Variants in CASP8 observed in about 807,000 individuals in gnomAD.
CASP8 encodes the protein caspase 8.
Under a neutral mutation model 46.3 loss-of-function variants are expected in CASP8, and 24 were observed. The ratio of observed to expected loss-of-function variants is 0.52; its 90% CI spans 0.38 to 0.73. The LOEUF (loss-of-function observed/expected upper bound fraction) is 0.73. Among genes scored for constraint, CASP8 ranks in the 30% least tolerant of loss-of-function variants. The pLI is 0.00. For missense variants in CASP8, 460 were observed against 559.0 expected (o/e 0.82, Z 1.79); for synonymous variants, 188 against 200.4 (o/e 0.94, Z 0.52).
chr2:201,280,618 A>G (rs568946185), intron 7 of CASP8, among the ~76,000 whole-genome samples: 6 of 152,340 alleles, frequency 3.9e-5, no homozygotes, highest in Admixed American at 2.0e-4. Context: ...CAAAAAATGT[A>G]CTTCTCATGG....
chr2:201,280,826 A>T (rs1371407026), intron 7 of CASP8, among the ~76,000 whole-genome samples: 1 of 152,248 alleles, frequency 6.6e-6, no homozygotes, highest in Admixed American at 6.5e-5. Context: ...AAAATGAGTC[A>T]GACAAGTAGC....
chr2:201,276,805 G>T (rs1342178459), intron 6 of CASP8, 22 bp from the exon 7 acceptor site: 1 of 1,613,834 alleles, frequency 6.2e-7, no homozygotes, highest in South Asian at 1.1e-5. Context: ...GTCAGCTCCT[G>T]GGTTGGGTTT....
At chr2:201,274,992 G>T (rs553817414) in intron 6 of CASP8, 39 bp downstream of exon 6, 2 of 1,348,258 alleles carry the variant, frequency 1.5e-6, no homozygotes, top group Non-Finnish European at 2.1e-6. Flanking sequence ...TTACATTACA[G>T]ATTCTAGTTA....
intron 2 of CASP8, among the ~76,000 whole-genome samples, chr2:201,247,071 T>C (rs1169114554): frequency 6.6e-6 from 1 of 151,166 alleles, no homozygotes; most frequent in African/African-American, 2.4e-5. Flanking sequence ...GGCAGGCGCC[T>C]GTATTCTGCT....
chr2:201,285,655 G>A (rs552046768), intron 8 of CASP8, among the ~76,000 whole-genome samples: 2 of 152,324 alleles, frequency 1.3e-5, no homozygotes, highest in East Asian at 3.9e-4. Context: ...GGATAGGAAA[G>A]TCATATACTC....
Position 201,286,607 on chromosome 2 carries a change from G to A in CASP8, c.*13G>A. The A allele has an allele frequency of 6.2e-7, 1 of 1,611,312 alleles. No homozygotes were observed. The highest frequency in any genetic ancestry group is 8.5e-7 in the Non-Finnish European group (1 of 1,178,106). On this transcript the variant is annotated 3_prime_UTR_variant, in exon 9 of 9. Transcript: ENST00000673742. The stretch of plus-strand genomic sequence containing the variant: ...CCCTTCTGATTGATGGTGCTATTTT[G>A]TTTGTTTTGTTTTGTTTTGTTTTTT...
intron 2 of CASP8, among the ~76,000 whole-genome samples, chr2:201,268,954 TGTGA>T (rs201986591): frequency 0.043 from 6,332 of 146,820 alleles, 204 homozygotes; most frequent in Non-Finnish European, 0.062. Flanking sequence ...TGTGTGTGTG[TGTGA>T]GACAGTGTCT....
At position 201,284,963 on chromosome 2, in the gene CASP8, A is replaced by G; in HGVS notation, c.950A>G (p.His317Arg). ...MDCFICCILS[H>R]GDKGIIYGTD... ...TGCTTCATCTGCTGTATCCTCTCCC[A>G]TGGAGACAAGGGCATCATCTATGGC... Residue 317 changes from histidine (H) to arginine (R), a missense_variant, in exon 8 of 9, where the codon CAT becomes CGT. His to Arg is a conservative substitution (Grantham distance 29). Transcript: ENST00000673742. 6.2e-7 allele frequency: 1 copy of G among 1,614,108 alleles called. No homozygotes were observed. Among genetic ancestry groups the G allele is most frequent in the Non-Finnish European group, 8.5e-7 (1 of 1,179,998 alleles).
intron 2 of CASP8, among the ~76,000 whole-genome samples, chr2:201,252,324 G>A (rs529509916): frequency 9.2e-5 from 14 of 152,102 alleles, no homozygotes; most frequent in African/African-American, 1.4e-4. Flanking sequence ...TCACCAGGCT[G>A]TAGTACAGTG....
intron 2 of CASP8, among the ~76,000 whole-genome samples, chr2:201,245,252 GTT>G (rs948402184): frequency 6.9e-6 from 1 of 144,196 alleles, no homozygotes. Context: ...ATTTGTTTTT[GTT>G]TTTTTTTTTG....
At chr2:201,258,399 A>G (rs1947141887), upstream of CASP8, 2 of 1,613,590 alleles carry the variant, frequency 1.2e-6, no homozygotes, top group South Asian at 1.1e-5. Context: ...GCCTGTTGCC[A>G]AGGTGGCCTC....
chr2:201,245,717 C>T (rs529858252), intron 2 of CASP8, among the ~76,000 whole-genome samples: 43 of 152,364 alleles, frequency 2.8e-4, no homozygotes, highest in African/African-American at 1.0e-3. Context: ...CCTGTTGACC[C>T]TGCTGCTGCA....
intron 2 of CASP8, among the ~76,000 whole-genome samples, chr2:201,269,095 T>C (rs1381521045): frequency 2.6e-5 from 4 of 151,788 alleles, no homozygotes; most frequent in Non-Finnish European, 5.9e-5. Flanking sequence ...CCCGCCACCA[T>C]GTCTGGCTAA....
chr2:201,244,520 C>T (rs1946429001), intron 2 of CASP8, among the ~76,000 whole-genome samples: 1 of 152,140 alleles, frequency 6.6e-6, no homozygotes. Flanking sequence ...TCCGACTATC[C>T]TCCAGGGAGG....
At chr2:201,277,472 A>G (rs962484453) in intron 7 of CASP8, among the ~76,000 whole-genome samples, 2 of 152,240 alleles carry the variant, frequency 1.3e-5, no homozygotes, top group Admixed American at 1.3e-4. Flanking sequence ...AAGTTAAATG[A>G]AAAAACAATT....
intron 2 of CASP8, among the ~76,000 whole-genome samples, chr2:201,267,549 C>T (rs1947909803): frequency 6.6e-6 from 1 of 152,098 alleles, no homozygotes; most frequent in Non-Finnish European, 1.5e-5. Flanking sequence ...GGCTGTAAAA[C>T]TCAGCTTCTC....
chr2:201,268,825 C>G (rs555357700), intron 2 of CASP8, among the ~76,000 whole-genome samples: 2 of 151,752 alleles, frequency 1.3e-5, no homozygotes, highest in Non-Finnish European at 2.9e-5. Flanking sequence ...GCCTATGTTC[C>G]CTTCTCTGTG....
chr2:201,254,067 G>A (rs371564172), intron 2 of CASP8, among the ~76,000 whole-genome samples: 1 of 137,244 alleles, frequency 7.3e-6, no homozygotes, highest in East Asian at 2.1e-4. Flanking sequence ...GGCAACAAGA[G>A]CAAAACTCCA....
intron 2 of CASP8, among the ~76,000 whole-genome samples, chr2:201,247,805 T>C (rs765787020): frequency 3.9e-5 from 6 of 152,220 alleles, no homozygotes; most frequent in Non-Finnish European, 5.9e-5. Context: ...CCACCACACC[T>C]GGCTAATTTT....
Sources: allele counts gnomAD v4.1 joint callset (sites outside exome capture counted in the v4.1 genomes callset), GRCh38; gene constraint gnomAD v4.1.1; transcripts MANE v1.5; gene names NCBI Gene and HGNC (gene_info 2026-07-23, HGNC 2026-07-21).